The following STIM1 variants were observed in gnomAD, a reference collection of about 807,000 sequenced individuals.
The protein encoded by STIM1 is stromal interaction molecule 1.
In STIM1, 25 loss-of-function variants were observed where a neutral mutation model predicts 74.7. The observed-to-expected ratio is 0.33, with a 90% CI of 0.24 to 0.47. The LOEUF (loss-of-function observed/expected upper bound fraction) is 0.47. Ranked by LOEUF, STIM1 falls within the 20% of genes least tolerant of loss-of-function variation. The probability of loss-of-function intolerance (pLI) is 1.00; values close to 1 mark genes in which losing one functional copy is unlikely to be tolerated. For synonymous variants in STIM1, 328 were observed against 348.8 expected (o/e 0.94, Z 0.66); for missense variants, 728 against 920.8 (o/e 0.79, Z 2.71).
intron 1 of STIM1, among the ~76,000 whole-genome samples, chr11:3,956,565 T>A (rs1384327469): frequency 1.4e-5 from 2 of 147,524 alleles, no homozygotes; most frequent in African/African-American, 4.9e-5. Flanking sequence ...GTAATTTCTT[T>A]AAATAGTAAC....
At chr11:4,030,451 C>T (rs983687646) in intron 3 of STIM1, among the ~76,000 whole-genome samples, 7 of 152,096 alleles carry the variant, frequency 4.6e-5, no homozygotes, top group African/African-American at 1.7e-4. Context: ...AAAGTCAGAT[C>T]CGTATGAAAG....
At chr11:3,902,696 T>C (rs1447379626) in intron 1 of STIM1, among the ~76,000 whole-genome samples, 2 of 152,070 alleles carry the variant, frequency 1.3e-5, no homozygotes, top group Non-Finnish European at 2.9e-5. Flanking sequence ...AGCCTGAGGG[T>C]TGGGGACCCT....
At chr11:4,043,485 T>C (rs1202989778) in intron 3 of STIM1, among the ~76,000 whole-genome samples, 1 of 152,186 alleles carries the variant, frequency 6.6e-6, no homozygotes, top group Non-Finnish European at 1.5e-5. Context: ...ATAATATAAA[T>C]ACTGATGGGA....
chr11:4,018,223 G>A (rs550869418), intron 2 of STIM1, among the ~76,000 whole-genome samples: 2 of 151,552 alleles, frequency 1.3e-5, no homozygotes, highest in East Asian at 3.9e-4. Flanking sequence ...GCCGAGGCGG[G>A]TGGATCATGA....
chr11:3,970,048 G>T (rs991986100), intron 2 of STIM1, among the ~76,000 whole-genome samples: 1 of 151,052 alleles, frequency 6.6e-6, no homozygotes, highest in South Asian at 2.1e-4. Flanking sequence ...TAAATTCTTG[G>T]ATATCTTTGT....
chr11:3,941,481 GTAGA>G (rs1438399498), intron 1 of STIM1, among the ~76,000 whole-genome samples: 4 of 152,060 alleles, frequency 2.6e-5, no homozygotes, highest in Admixed American at 1.3e-4. Context: ...GGGTTAAGCA[GTAGA>G]TGTGTAGGAC....
chr11:3,896,723 A>G (rs2092190371), intron 1 of STIM1, among the ~76,000 whole-genome samples: 1 of 152,234 alleles, frequency 6.6e-6, no homozygotes, highest in African/African-American at 2.4e-5. Flanking sequence ...AAGGCTTTCC[A>G]GAAAAGTTGG....
intron 12 of STIM1, among the ~76,000 whole-genome samples, chr11:4,090,394 C>T (rs919627752): frequency 2.0e-5 from 3 of 152,184 alleles, no homozygotes; most frequent in Non-Finnish European, 2.9e-5. Flanking sequence ...CTACATTCTC[C>T]GTCAGCAGAG....
At chr11:4,083,692 T>C in intron 10 of STIM1, 194 bp downstream of exon 10, 1 of 629,456 alleles carries the variant, frequency 1.6e-6, no homozygotes, top group Non-Finnish European at 2.8e-6. Context: ...TCTTTCCTTG[T>C]TGTATGCTCT....
chr11:3,882,186 G>C (rs185917051), intron 1 of STIM1, among the ~76,000 whole-genome samples: 2 of 139,468 alleles, frequency 1.4e-5, no homozygotes, highest in South Asian at 4.4e-4. Context: ...CGCAACCTCT[G>C]TCTCCTGGGT....
chr11:3,956,377 C>T lies in STIM1; in HGVS notation c.140-11175C>T, dbSNP rs373537562. Among the ~76,000 whole-genome samples, 8 of 152,102 alleles carry T rather than the reference C, an allele frequency of 5.3e-5. No individual in the cohort carries two copies. In the East Asian group the frequency reaches 9.7e-4, roughly 18 times the overall value. On this transcript the variant is annotated intron_variant, in intron 1 of 12. Transcript: ENST00000526596. ...GAGAGTGAGGTGTCAAGGCTTCTGA[C>T]ATAAGCACCTGGAAAAGTAGGAAGG... is the stretch of plus-strand genomic sequence containing the variant.
intron 11 of STIM1, 33 bp from the exon 12 acceptor site, chr11:4,086,444 C>T (rs369726885): frequency 1.2e-6 from 2 of 1,611,238 alleles, no homozygotes; most frequent in African/African-American, 2.7e-5. Context: ...AGTGGGCTGG[C>T]CCCTCCTGAC....
At chr11:3,973,642 C>T (rs2093417257) in intron 2 of STIM1, among the ~76,000 whole-genome samples, 5 of 152,300 alleles carry the variant, frequency 3.3e-5, no homozygotes, top group Middle Eastern at 6.8e-3. Flanking sequence ...AAGTGATCCC[C>T]TGCCTCGGCC....
At chr11:3,892,950 A>C in intron 1 of STIM1, 1 of 1,014,102 alleles carries the variant, frequency 9.9e-7, no homozygotes, top group Non-Finnish European at 1.5e-6. Context: ...TTTTATTTTT[A>C]ATAGAGATGG....
intron 2 of STIM1, among the ~76,000 whole-genome samples, chr11:3,990,217 G>A (rs889937532): frequency 1.3e-5 from 2 of 152,130 alleles, no homozygotes; most frequent in Non-Finnish European, 2.9e-5. Flanking sequence ...TATCAGTACT[G>A]CCTGTACATG....
rs571042480 is a variant in STIM1 at position 3,888,521 on chromosome 11, G to A, written c.139+32112G>A. Among the ~76,000 whole-genome samples, 5 of 152,174 alleles carry A rather than the reference G, an allele frequency of 3.3e-5. 1 individual carries two copies. In the South Asian group the frequency reaches 1.0e-3, roughly 32 times the overall value. On this transcript the variant is annotated intron_variant, in intron 1 of 12. Transcript: ENST00000526596. Reference sequence around the variant, plus strand: ...TTAAGTAGAGAGGCTGTATAGTTTGGAACATTGCCATATAGTCTTTTTTTT... The same window carrying A: ...TTAAGTAGAGAGGCTGTATAGTTTGAAACATTGCCATATAGTCTTTTTTTT...
intron 1 of STIM1, among the ~76,000 whole-genome samples, chr11:3,951,608 C>T (rs1040087236): frequency 1.5e-4 from 23 of 152,070 alleles, no homozygotes; most frequent in African/African-American, 4.8e-5. Flanking sequence ...CACTTAGAGC[C>T]GCTGTGATTG....
At chr11:3,959,657 C>T (rs1016054717) in intron 1 of STIM1, among the ~76,000 whole-genome samples, 3 of 152,156 alleles carry the variant, frequency 2.0e-5, no homozygotes, top group Non-Finnish European at 2.9e-5. Context: ...GAATGATTAG[C>T]TCTGCCTGGA....
chr11:3,963,097 T>C (rs1476528299), intron 1 of STIM1, among the ~76,000 whole-genome samples: 3 of 152,210 alleles, frequency 2.0e-5, no homozygotes, highest in Admixed American at 6.5e-5. Flanking sequence ...ATTTTAACTT[T>C]TATTTTGAGT....
Sources: allele counts gnomAD v4.1 joint callset (sites outside exome capture counted in the v4.1 genomes callset), GRCh38; gene constraint gnomAD v4.1.1; transcripts MANE v1.5; gene names NCBI Gene and HGNC (gene_info 2026-07-23, HGNC 2026-07-21).